Variants in ARHGEF6 observed in about 807,000 individuals in gnomAD.
ARHGEF6 encodes rho guanine nucleotide exchange factor 6.
ARHGEF6 carries 9 observed loss-of-function variants against 70.3 expected under a neutral mutation model. The ratio of observed to expected loss-of-function variants is 0.13; its 90% CI spans 0.08 to 0.22. ARHGEF6 has a LOEUF of 0.22. ARHGEF6 is among the 10% of genes least tolerant of loss of function. The probability of loss-of-function intolerance (pLI) is 1.00; values close to 1 mark genes in which losing one functional copy is unlikely to be tolerated. For synonymous variants in ARHGEF6, 201 were observed against 207.8 expected (o/e 0.97, Z 0.28); for missense variants, 470 against 563.0 (o/e 0.83, Z 1.67).
rs192728980 is a variant in ARHGEF6, at chrX:136,720,505, G to A, written c.733-7135C>T. Among the ~76,000 whole-genome samples the A allele has an allele frequency of 3.3e-4, 33 of 99,984 alleles. No homozygotes were observed. In the East Asian group the frequency reaches 9.6e-3, roughly 29 times the overall value. 86.8% of individuals were successfully genotyped at this position (99,984 alleles called of 115,157 possible). On this transcript the variant is annotated intron_variant, in intron 6 of 21. Coordinates refer to ENST00000250617, the MANE Select transcript of ARHGEF6 (RefSeq NM_004840.3). ...TCTCAACTTGATAAAGAACAGCTAC[G>A]AAAAAAAAAGGGAAAAAAAAGCTAA... is the stretch of plus-strand genomic sequence containing the variant.
chrX:136,699,790 G>A (rs1389540829), intron 9 of ARHGEF6, among the ~76,000 whole-genome samples: 1 of 111,221 alleles, frequency 9.0e-6, no homozygotes, highest in Non-Finnish European at 1.9e-5. Context: ...TGTGGGTTTG[G>A]GATCCAAAAA....
At chrX:136,675,247 G>A in intron 18 of ARHGEF6, 151 bp from the exon 19 acceptor site, 1 of 480,498 alleles carries the variant, frequency 2.1e-6, no homozygotes, top group East Asian at 4.4e-5. Flanking sequence ...TGGTGATGGA[G>A]AAGAGTGACA....
intron 12 of ARHGEF6, among the ~76,000 whole-genome samples, chrX:136,683,179 CA>C: frequency 9.0e-6 from 1 of 111,382 alleles, no homozygotes; most frequent in East Asian, 2.8e-4. Context: ...AATAAGTCTC[CA>C]GGTTCACAAA....
At chrX:136,687,458 T>C (rs1210722053) in intron 11 of ARHGEF6, among the ~76,000 whole-genome samples, 1 of 112,552 alleles carries the variant, frequency 8.9e-6, no homozygotes, top group Non-Finnish European at 1.9e-5. Flanking sequence ...TAGCAACCTA[T>C]ATAAAGCACT....
intron 5 of ARHGEF6, among the ~76,000 whole-genome samples, chrX:136,736,864 C>A (rs755668310): frequency 1.5e-3 from 165 of 111,737 alleles, no homozygotes; most frequent in African/African-American, 5.2e-3. Context: ...ACAAAGTGCT[C>A]TTGTCAATGA....
chrX:136,691,410 T>G (rs1265992254), intron 9 of ARHGEF6, among the ~76,000 whole-genome samples: 1 of 112,337 alleles, frequency 8.9e-6, no homozygotes, highest in Non-Finnish European at 1.9e-5. Context: ...AACTGTGTGC[T>G]GTAAATGTCT....
intron 9 of ARHGEF6, among the ~76,000 whole-genome samples, chrX:136,691,637 C>T (rs958056856): frequency 8.9e-6 from 1 of 112,153 alleles, no homozygotes; most frequent in Non-Finnish European, 1.9e-5. Context: ...CCATGCATAT[C>T]CAGTCAGTCA....
intron 7 of ARHGEF6, among the ~76,000 whole-genome samples, chrX:136,709,193 C>T (rs2076658722): frequency 2.7e-5 from 3 of 112,122 alleles, no homozygotes; most frequent in Non-Finnish European, 5.6e-5. Context: ...AATCAACTTT[C>T]TCCTAAACTA....
intron 2 of ARHGEF6, among the ~76,000 whole-genome samples, chrX:136,752,423 G>C (rs1314299220): frequency 8.9e-6 from 1 of 111,958 alleles, no homozygotes; most frequent in Non-Finnish European, 1.9e-5. Flanking sequence ...GGTCTGGTAG[G>C]GGTCCAGCTC....
At chrX:136,750,597 G>T (rs1042740686) in intron 2 of ARHGEF6, among the ~76,000 whole-genome samples, 6 of 111,559 alleles carry the variant, frequency 5.4e-5, no homozygotes, top group African/African-American at 2.0e-4. Flanking sequence ...ACTCAGACAA[G>T]AAAAAAGTAT....
intron 11 of ARHGEF6, among the ~76,000 whole-genome samples, chrX:136,686,627 TATATATATATATATACACAC>T (rs2076396248): frequency 1.9e-5 from 1 of 52,305 alleles, no homozygotes; most frequent in African/African-American, 1.3e-4. Flanking sequence ...TATATACACA[TATATATATATATATACACAC>T]ATATATATAT....
chrX:136,750,348 T>C (rs1276700577), intron 2 of ARHGEF6, among the ~76,000 whole-genome samples: 1 of 112,665 alleles, frequency 8.9e-6, no homozygotes, highest in Non-Finnish European at 1.9e-5. Context: ...TCATTTTCAA[T>C]GAAATTTTTC....
chrX:136,718,538 G>A (rs2076761656), intron 6 of ARHGEF6, among the ~76,000 whole-genome samples: 1 of 111,601 alleles, frequency 9.0e-6, no homozygotes, highest in Admixed American at 9.5e-5. Flanking sequence ...AAAGTATATT[G>A]ATAAATCTGA....
At chrX:136,747,440 T>C (rs763871594) in intron 3 of ARHGEF6, 68 bp downstream of exon 3, 14 of 1,035,160 alleles carry the variant, frequency 1.4e-5, no homozygotes, top group South Asian at 1.9e-5. Flanking sequence ...AGTTGGCTCC[T>C]AGGGTAATCA....
At position 136,767,573 on chromosome X, in the gene ARHGEF6, C is replaced by A. The variant is rs1006399406; in HGVS notation, c.249+11841G>T. 31 of 753,214 alleles carry A rather than the reference C, an allele frequency of 4.1e-5. No homozygotes were observed. In the African/African-American group the frequency reaches 6.9e-4, roughly 17 times the overall value. The allele number at this position is 753,214 out of a possible 1,213,427, so 62.1% of individuals were successfully genotyped here. A position where few individuals can be genotyped will look rare whatever the true frequency, so the allele number is the denominator to read the frequency against. ...GATCGCGGGGCCGAACTGGGGGTGC[C>A]GGAGGCGCGCCCCGCTGGGTGCGCT... is the stretch of plus-strand genomic sequence containing the variant. On this transcript the variant is annotated intron_variant, in intron 2 of 21. Coordinates refer to ENST00000250617, the MANE Select transcript of ARHGEF6 (RefSeq NM_004840.3).
chrX:136,677,863 A>C (rs1034128339), intron 17 of ARHGEF6, 73 bp downstream of exon 17: 4 of 903,994 alleles, frequency 4.4e-6, no homozygotes, highest in Non-Finnish European at 6.3e-6. Flanking sequence ...CATAAGGGAA[A>C]GCTTCATTCA....
intron 2 of ARHGEF6, chrX:136,767,838 GAGCAGCAGC>G (rs57856447): frequency 3.9e-5 from 26 of 660,342 alleles, no homozygotes; most frequent in East Asian, 1.7e-4. Flanking sequence ...GGCGCAGGCA[GAGCAGCAGC>G]AGCAGCAGCA....
At chrX:136,714,793 A>T (rs1372006089) in intron 6 of ARHGEF6, among the ~76,000 whole-genome samples, 3 of 111,310 alleles carry the variant, frequency 2.7e-5, no homozygotes, top group East Asian at 2.8e-4. Flanking sequence ...TCAGTTTAAA[A>T]CTTTGCTTAC....
chrX:136,682,960 G>A (rs1569391217), intron 12 of ARHGEF6, 116 bp from the exon 13 acceptor site: 13 of 580,138 alleles, frequency 2.2e-5, no homozygotes, highest in Admixed American at 1.8e-4. Context: ...AAACATTAAC[G>A]GTAATTTTTT....
Sources: allele counts gnomAD v4.1 joint callset (sites outside exome capture counted in the v4.1 genomes callset), GRCh38; gene constraint gnomAD v4.1.1; transcripts MANE v1.5; gene names NCBI Gene and HGNC (gene_info 2026-07-23, HGNC 2026-07-21).